Variants in ST6GALNAC5 observed in about 807,000 individuals in gnomAD.
ST6GALNAC5 encodes ST6 N-acetylgalactosaminide alpha-2,6-sialyltransferase 5.
In ST6GALNAC5, 27 loss-of-function variants were observed where a neutral mutation model predicts 33.6. The observed-to-expected ratio is 0.80, with a 90% CI of 0.59 to 1.11. The LOEUF (loss-of-function observed/expected upper bound fraction) is 1.11. Ranked by LOEUF, ST6GALNAC5 falls within the 50% of genes least tolerant of loss-of-function variation. ST6GALNAC5 has a pLI of 0.00. For missense variants in ST6GALNAC5, 428 were observed against 454.0 expected (o/e 0.94, Z 0.52); for synonymous variants, 194 against 171.2 (o/e 1.13, Z -1.04).
At chr1:76,976,207 C>A (rs1649004689) in intron 2 of ST6GALNAC5, among the ~76,000 whole-genome samples, 1 of 152,016 alleles carries the variant, frequency 6.6e-6, no homozygotes, top group Non-Finnish European at 1.5e-5. Flanking sequence ...AATTCTTGAC[C>A]TGGGTAGTAT....
chr1:76,947,056 A>G (rs750113482), intron 2 of ST6GALNAC5, among the ~76,000 whole-genome samples: 1 of 152,112 alleles, frequency 6.6e-6, no homozygotes, highest in Non-Finnish European at 1.5e-5. Context: ...AGTCATAACA[A>G]TAATTTTTTT....
At chr1:77,059,161 G>A (rs746841800) in intron 4 of ST6GALNAC5, among the ~76,000 whole-genome samples, 16 of 152,086 alleles carry the variant, frequency 1.1e-4, no homozygotes, top group African/African-American at 1.9e-4. Flanking sequence ...CCCCTAATGC[G>A]GATTTGCATT....
chr1:76,888,983 A>G (rs531070927), intron 2 of ST6GALNAC5, among the ~76,000 whole-genome samples: 14 of 152,188 alleles, frequency 9.2e-5, no homozygotes, highest in African/African-American at 3.4e-4. Flanking sequence ...AACTATAATC[A>G]CTGTGATGTA....
intron 2 of ST6GALNAC5, among the ~76,000 whole-genome samples, chr1:76,991,008 G>T (rs537067620): frequency 6.6e-6 from 1 of 152,090 alleles, no homozygotes; most frequent in Non-Finnish European, 1.5e-5. Flanking sequence ...TAGAAGGAGG[G>T]AAGTAGGGAA....
chr1:77,056,671 G>A (rs1048166658), intron 4 of ST6GALNAC5, among the ~76,000 whole-genome samples: 1 of 152,292 alleles, frequency 6.6e-6, no homozygotes, highest in East Asian at 1.9e-4. Flanking sequence ...CACAGAAGAC[G>A]GGTGTGGAAT....
chr1:76,937,357 A>C (rs753547402), intron 2 of ST6GALNAC5, among the ~76,000 whole-genome samples: 1 of 152,052 alleles, frequency 6.6e-6, no homozygotes, highest in Non-Finnish European at 1.5e-5. Context: ...AGATCACTCA[A>C]AACTCATAGA....
intron 2 of ST6GALNAC5, among the ~76,000 whole-genome samples, chr1:76,990,304 T>C (rs773997956): frequency 1.3e-5 from 2 of 152,178 alleles, no homozygotes; most frequent in South Asian, 4.1e-4. Context: ...AATATCTTCA[T>C]GGCAACTACA....
chr1:76,901,438 C>T (rs1303877331), intron 2 of ST6GALNAC5, among the ~76,000 whole-genome samples: 1 of 152,182 alleles, frequency 6.6e-6, no homozygotes, highest in Non-Finnish European at 1.5e-5. Flanking sequence ...TATGTGGAAG[C>T]ATTCAAGTCA....
intron 2 of ST6GALNAC5, among the ~76,000 whole-genome samples, chr1:76,893,678 T>C (rs535738068): frequency 5.9e-5 from 9 of 152,334 alleles, no homozygotes; most frequent in African/African-American, 1.9e-4. Flanking sequence ...TATTTATTTT[T>C]GAGACAGAGG....
intron 2 of ST6GALNAC5, among the ~76,000 whole-genome samples, chr1:76,893,805 T>C (rs1197708860): frequency 6.6e-6 from 1 of 152,040 alleles, no homozygotes; most frequent in Non-Finnish European, 1.5e-5. Context: ...GGACTACAGG[T>C]GCGTGCCACC....
intron 2 of ST6GALNAC5, among the ~76,000 whole-genome samples, chr1:76,881,881 T>A (rs1653790306): frequency 6.6e-6 from 1 of 152,188 alleles, no homozygotes; most frequent in East Asian, 1.9e-4. Context: ...TTAAGAATTA[T>A]CAAAAGGAAT....
intron 2 of ST6GALNAC5, among the ~76,000 whole-genome samples, chr1:76,988,976 CTT>C (rs971682084): frequency 9.9e-5 from 15 of 152,122 alleles, no homozygotes; most frequent in African/African-American, 3.1e-4. Flanking sequence ...CTCAAAGTCT[CTT>C]TGCTTGAGAA....
intron 2 of ST6GALNAC5, among the ~76,000 whole-genome samples, chr1:76,966,230 A>C (rs1430065457): frequency 3.9e-5 from 6 of 152,106 alleles, no homozygotes; most frequent in Non-Finnish European, 8.8e-5. Flanking sequence ...CTTCCTATTC[A>C]TGAGCATGGA....
intron 2 of ST6GALNAC5, among the ~76,000 whole-genome samples, chr1:76,880,046 G>T (rs1385362140): frequency 6.6e-6 from 1 of 152,160 alleles, no homozygotes; most frequent in Non-Finnish European, 1.5e-5. Flanking sequence ...CTCAGTATCT[G>T]CTTCTGAAGC....
chr1:76,910,232 T>G (rs1646897781), intron 2 of ST6GALNAC5, among the ~76,000 whole-genome samples: 2 of 152,098 alleles, frequency 1.3e-5, no homozygotes, highest in African/African-American at 4.8e-5. Flanking sequence ...AATTTGTATT[T>G]TTTTCAATTG....
At chr1:76,869,387 A>AT (rs1557703823) in intron 2 of ST6GALNAC5, among the ~76,000 whole-genome samples, 1 of 152,158 alleles carries the variant, frequency 6.6e-6, no homozygotes, top group Non-Finnish European at 1.5e-5. Context: ...AATAAGATGA[A>AT]TTTTTTAAAA....
At chr1:77,002,355 A>G (rs1650205132) in intron 2 of ST6GALNAC5, among the ~76,000 whole-genome samples, 1 of 151,710 alleles carries the variant, frequency 6.6e-6, no homozygotes, top group South Asian at 2.1e-4. Flanking sequence ...ATCATTTTTT[A>G]TTGTGTCTAT....
chr1:76,869,818 G>A (rs1321932983), intron 2 of ST6GALNAC5, among the ~76,000 whole-genome samples: 1 of 152,126 alleles, frequency 6.6e-6, no homozygotes, highest in Non-Finnish European at 1.5e-5. Context: ...CCAGTCTTAC[G>A]GATCTTTAAA....
chr1:77,001,267 G>A (rs1377806784), intron 2 of ST6GALNAC5, among the ~76,000 whole-genome samples: 1 of 107,196 alleles, frequency 9.3e-6, no homozygotes, highest in South Asian at 4.2e-4. Context: ...GTGAATGGGA[G>A]TTCACTCATG....
Sources: allele counts gnomAD v4.1 joint callset (sites outside exome capture counted in the v4.1 genomes callset), GRCh38; gene constraint gnomAD v4.1.1; transcripts MANE v1.5; gene names NCBI Gene and HGNC (gene_info 2026-07-23, HGNC 2026-07-21).